The following NACC2 variants were observed in gnomAD, a reference collection of about 807,000 sequenced individuals.
NACC2 encodes nucleus accumbens-associated protein 2.
A neutral mutation model predicts 25.1 loss-of-function variants in NACC2; 8 were observed. The ratio of observed to expected loss-of-function variants is 0.32; its 90% CI spans 0.19 to 0.57. NACC2 has a LOEUF of 0.57. NACC2 is among the 20% of genes least tolerant of loss of function. The pLI is 0.89. For missense variants in NACC2, 644 were observed against 650.2 expected (o/e 0.99, Z 0.10); for synonymous variants, 435 against 294.7 (o/e 1.48, Z -4.88).
In NACC2 at chr9:136,013,812, C is replaced by T. The variant is rs1203828996; in HGVS notation, c.1157+52G>A. 2 of 1,502,804 alleles carry T rather than the reference C, an allele frequency of 1.3e-6. No individual in the cohort carries two copies. Among genetic ancestry groups the T allele is most frequent in the African/African-American group, 2.8e-5 (2 of 72,436 alleles). 93.1% of individuals were successfully genotyped at this position (1,502,804 alleles called of 1,614,324 possible). ...TCAGACAGCTCATAGCTAAAGGAGC[C>T]AGAACCCTCCGCAGCTCCATTGTGC... On this transcript the variant is annotated intron_variant, in intron 4 of 5. Transcript: ENST00000277554. The surrounding 1 kb of genome is among the most constrained non-coding windows in gnomAD (Gnocchi z 6.6).
rs112379752 is a variant in NACC2, at chr9:136,021,608, GC to G, written c.887-5180del. 3.7e-3 allele frequency among the ~76,000 whole-genome samples: 563 copies of G among 152,294 alleles called. 7 individuals are homozygous for G. Among genetic ancestry groups the G allele is most frequent in the African/African-American group, 0.013 (540 of 41,548 alleles). ...CCAGCAATTATACTTCTAGGTATTT[GC>G]CCAAGAAAAATGGGAGTTTATCTCC... On this transcript the variant is annotated intron_variant, in intron 2 of 5. Coordinates refer to ENST00000277554, the MANE Select transcript of NACC2 (RefSeq NM_144653.5).
intron 1 of NACC2, among the ~76,000 whole-genome samples, chr9:136,071,681 G>A (rs959347680): frequency 1.3e-5 from 2 of 152,062 alleles, no homozygotes; most frequent in Non-Finnish European, 2.9e-5. Flanking sequence ...GGAGAAATCA[G>A]GCTACCTGAT....
chr9:136,076,658 C>T lies in NACC2; in HGVS notation c.-60+18531G>A, dbSNP rs541748007. Reference sequence around the variant, plus strand: ...ATGTTCTTACTGCCACTGAACTGTGCGCTTAAAAAATGGTTAAAATGGTGA... The same window carrying T: ...ATGTTCTTACTGCCACTGAACTGTGTGCTTAAAAAATGGTTAAAATGGTGA... On this transcript the variant is annotated intron_variant, in intron 1 of 5. Coordinates refer to ENST00000277554, the MANE Select transcript of NACC2 (RefSeq NM_144653.5). 9.2e-5 allele frequency among the ~76,000 whole-genome samples: 14 copies of T among 152,184 alleles called. 1 individual carries two copies. The highest frequency in any genetic ancestry group is 7.2e-4 in the Admixed American group (11 of 15,286).
intron 1 of NACC2, among the ~76,000 whole-genome samples, chr9:136,053,410 T>G (rs1326516401): frequency 6.6e-6 from 1 of 152,044 alleles, no homozygotes; most frequent in African/African-American, 2.4e-5. Context: ...GAGACTGGGA[T>G]GGGGGCGTTT....
intron 1 of NACC2, among the ~76,000 whole-genome samples, chr9:136,071,701 T>C (rs990498490): frequency 4.6e-5 from 7 of 152,106 alleles, no homozygotes; most frequent in Admixed American, 1.3e-4. Flanking sequence ...TTTCAAGGCT[T>C]ATTATAAACT....
chr9:136,016,293 G>A lies in NACC2; in HGVS notation c.1023C>T (p.Asp341=), dbSNP rs755223596. ...RCHPKLYSEG[D]PGEKLELVAG... is the part of the protein sequence containing the mutation. ...CCACCAGCTCCAGCTTCTCCCCGGG[G>A]TCCCCTTCCGAGTAGAGCTTGGGAT... The change falls in exon 3 of 6, where the codon GAC becomes GAT. Residue 341 remains aspartate, a synonymous_variant. Coordinates refer to ENST00000277554, the MANE Select transcript of NACC2 (RefSeq NM_144653.5). 20 of 1,612,964 alleles carry A rather than the reference G, an allele frequency of 1.2e-5. No homozygotes were observed. Among genetic ancestry groups the A allele is most frequent in the Non-Finnish European group, 1.5e-5 (18 of 1,180,004 alleles).
chr9:136,007,212 C>T lies in NACC2; in HGVS notation c.*4304G>A, dbSNP rs1840026664. ...ACGAGCCGGTCGTCCAGTCTGAATG[C>T]TTGCGATTCTGCATGATTTTCCTTT... On this transcript the variant is annotated 3_prime_UTR_variant, in exon 6 of 6. Transcript: ENST00000277554. 1 of 154,420 alleles carries T rather than the reference C, an allele frequency of 6.5e-6. No homozygotes were observed. Among genetic ancestry groups the T allele is most frequent in the African/African-American group, 2.4e-5 (1 of 41,526 alleles). The allele number at this position is 154,420 out of a possible 1,614,324, so 9.6% of individuals were successfully genotyped here.
chr9:136,068,904 G>A (rs891163900), intron 1 of NACC2, among the ~76,000 whole-genome samples: 1 of 146,012 alleles, frequency 6.8e-6, no homozygotes, highest in Admixed American at 7.2e-5. Context: ...TTAAAAGACA[G>A]AGATTGAAAG....
chr9:136,028,868 C>G (rs1463330060), intron 2 of NACC2, among the ~76,000 whole-genome samples: 1 of 152,218 alleles, frequency 6.6e-6, no homozygotes, highest in Admixed American at 6.5e-5. Flanking sequence ...ACTGTCATGA[C>G]CTGGCCAGGT....
intron 1 of NACC2, among the ~76,000 whole-genome samples, chr9:136,068,895 T>A (rs1049827013): frequency 1.3e-5 from 2 of 149,188 alleles, no homozygotes; most frequent in Non-Finnish European, 3.0e-5. Flanking sequence ...ATACACCCAT[T>A]AAAAGACAGA....
intron 2 of NACC2, among the ~76,000 whole-genome samples, chr9:136,016,759 T>C (rs1413065646): frequency 6.6e-6 from 1 of 152,164 alleles, no homozygotes; most frequent in East Asian, 1.9e-4. Flanking sequence ...GAGGGTGCTA[T>C]GCAGAGCCTG....
chr9:136,020,805 C>T lies in NACC2; in HGVS notation c.887-4376G>A, dbSNP rs541145739. On this transcript the variant is annotated intron_variant, in intron 2 of 5. Transcript: ENST00000277554. This position sits in a 1 kb window ranked among gnomAD's most constrained non-coding sequence, Gnocchi z 4.7. ...ACAGACAGACCCACATGGCCATGCT[C>T]GATTGGCTTTTGACAAAGGTGCACC... Among the ~76,000 whole-genome samples, 7 of 152,244 alleles carry T rather than the reference C, an allele frequency of 4.6e-5. 1 individual carries two copies. In the East Asian group the frequency reaches 7.7e-4, roughly 17 times the overall value.
intron 2 of NACC2, among the ~76,000 whole-genome samples, chr9:136,042,859 GAC>G (rs1261442309): frequency 1.0e-5 from 1 of 97,904 alleles, no homozygotes; most frequent in African/African-American, 3.8e-5. Context: ...CACACACAGA[GAC>G]ACAGAGACAA....
At chr9:136,093,830 G>A (rs1429414136) in intron 1 of NACC2, among the ~76,000 whole-genome samples, 1 of 152,090 alleles carries the variant, frequency 6.6e-6, no homozygotes, top group Non-Finnish European at 1.5e-5. Context: ...CGGGTGGGGC[G>A]GGGGCTGCCT....
At position 136,013,726 on chromosome 9, in the gene NACC2, C is replaced by T. The variant is rs1260721480; in HGVS notation, c.1157+138G>A. The T allele has an allele frequency of 9.5e-6, 7 of 738,522 alleles. No individual in the cohort carries two copies. Among genetic ancestry groups the T allele is most frequent in the Admixed American group, 2.8e-5 (1 of 36,360 alleles). The allele number at this position is 738,522 out of a possible 1,614,324, so 45.7% of individuals were successfully genotyped here. A position where few individuals can be genotyped will look rare whatever the true frequency, so the allele number is the denominator to read the frequency against. ...GGGAGCCTCTCCACCGTCCTGGGGC[C>T]GACCGGCCACGGCTGAAGTCAGGAA... is the stretch of plus-strand genomic sequence containing the variant. On this transcript the variant is annotated intron_variant, in intron 4 of 5. Coordinates refer to ENST00000277554, the MANE Select transcript of NACC2 (RefSeq NM_144653.5). The surrounding 1 kb of genome is among the most constrained non-coding windows in gnomAD (Gnocchi z 6.6).
At chr9:136,052,761 C>CCGCACA (rs1840865654) in intron 1 of NACC2, among the ~76,000 whole-genome samples, 1 of 152,268 alleles carries the variant, frequency 6.6e-6, no homozygotes, top group African/African-American at 2.4e-5. Flanking sequence ...CTCGCTCCTC[C>CCGCACA]CGCACACTCC....
rs568462120 is a variant in NACC2, at chr9:136,012,832, G to C, written c.1255+367C>G. Among the ~76,000 whole-genome samples, 9 of 152,304 alleles carry C rather than the reference G, an allele frequency of 5.9e-5. No homozygotes were observed. In the South Asian group the frequency reaches 1.7e-3, roughly 28 times the overall value. Reference sequence around the variant, plus strand: ...CTGCCCTGGAGATGGACCGGGCTCCGCCCCCACACGCCCAAGAGCGGGAGG... The same window carrying C: ...CTGCCCTGGAGATGGACCGGGCTCCCCCCCCACACGCCCAAGAGCGGGAGG... On this transcript the variant is annotated intron_variant, in intron 5 of 5. Coordinates refer to ENST00000277554, the MANE Select transcript of NACC2 (RefSeq NM_144653.5).
At position 136,013,173 on chromosome 9, in the gene NACC2, CACCCGAGAG is replaced by C; in HGVS notation, c.1255+17_1255+25del. The C allele has an allele frequency of 3.1e-6, 4 of 1,281,010 alleles. No individual in the cohort carries two copies. Among genetic ancestry groups the C allele is most frequent in the Non-Finnish European group, 4.5e-6 (4 of 883,254 alleles). The allele number at this position is 1,281,010 out of a possible 1,614,324, so 79.4% of individuals were successfully genotyped here. A position where few individuals can be genotyped will look rare whatever the true frequency, so the allele number is the denominator to read the frequency against. ...ATCTGAACCCAGCCCCGGCCCCACC[CACCCGAGAG>C]ACCCCCAGGCTCTTACATTTCACAG... On this transcript the variant is annotated intron_variant, in intron 5 of 5. Transcript: ENST00000277554. The surrounding 1 kb of genome is among the most constrained non-coding windows in gnomAD (Gnocchi z 6.6).
chr9:136,090,619 G>C (rs1042706272), intron 1 of NACC2, among the ~76,000 whole-genome samples: 1 of 152,230 alleles, frequency 6.6e-6, no homozygotes, highest in East Asian at 1.9e-4. Context: ...AGCACAGCCC[G>C]GATTCCAGCC....
Sources: allele counts gnomAD v4.1 joint callset (sites outside exome capture counted in the v4.1 genomes callset), GRCh38; gene constraint gnomAD v4.1.1; non-coding constraint Gnocchi (gnomAD v3.1); transcripts MANE v1.5; gene names NCBI Gene and HGNC (gene_info 2026-07-23, HGNC 2026-07-21).